Variants in SNX8 observed in about 807,000 individuals in gnomAD.
The protein encoded by SNX8 is sorting nexin 8, also known as sorting nexin-8.
Under a neutral mutation model 51.6 loss-of-function variants are expected in SNX8, and 25 were observed. The ratio of observed to expected loss-of-function variants is 0.48; its 90% CI spans 0.35 to 0.68. SNX8 has a LOEUF of 0.68. SNX8 is among the 30% of genes least tolerant of loss of function. The pLI is 0.00. For synonymous variants in SNX8, 324 were observed against 277.0 expected, an observed-to-expected ratio of 1.17 and a Z score of -1.68; for missense variants, 695 against 624.0, an observed-to-expected ratio of 1.11 and a Z score of -1.21.
intron 1 of SNX8, among the ~76,000 whole-genome samples, chr7:2,346,821 G>A (rs1303992259): frequency 5.4e-5 from 8 of 148,872 alleles, no homozygotes; most frequent in Non-Finnish European, 8.9e-5. Context: ...TCAGGAGGCT[G>A]AGTTCAGAGG....
At chr7:2,265,162 G>A (rs752480818) in intron 5 of SNX8, among the ~76,000 whole-genome samples, 19 of 152,214 alleles carry the variant, frequency 1.2e-4, no homozygotes, top group Non-Finnish European at 2.6e-4. Context: ...AGACTATGGT[G>A]AAACCCCATC....
chr7:2,267,183 C>T (rs995697309), intron 5 of SNX8, among the ~76,000 whole-genome samples: 1 of 152,202 alleles, frequency 6.6e-6, no homozygotes, highest in Non-Finnish European at 1.5e-5. Flanking sequence ...GGAAACCATG[C>T]GACAGATGTC....
At chr7:2,267,101 G>A (rs1409284063) in intron 5 of SNX8, among the ~76,000 whole-genome samples, 2 of 152,202 alleles carry the variant, frequency 1.3e-5, no homozygotes, top group South Asian at 4.1e-4. Flanking sequence ...CAGCCTCCCT[G>A]AGCCTGTTTC....
chr7:2,313,120 T>G (rs999178544), intron 1 of SNX8, among the ~76,000 whole-genome samples: 1 of 151,898 alleles, frequency 6.6e-6, no homozygotes, highest in Admixed American at 6.6e-5. Flanking sequence ...AGGATGGTCT[T>G]GATCTCCTGA....
intron 10 of SNX8, among the ~76,000 whole-genome samples, chr7:2,256,391 A>G (rs951566679): frequency 2.6e-5 from 4 of 152,232 alleles, no homozygotes; most frequent in Admixed American, 2.6e-4. Context: ...CTGTAATCCC[A>G]GCGGTGCTGC....
intron 7 of SNX8, among the ~76,000 whole-genome samples, chr7:2,259,273 C>A (rs967870584): frequency 2.0e-5 from 3 of 152,210 alleles, no homozygotes; most frequent in Non-Finnish European, 4.4e-5. Flanking sequence ...CTGGGGAAAC[C>A]CCCGACACTG....
intron 1 of SNX8, among the ~76,000 whole-genome samples, chr7:2,321,713 C>CTT (rs59105866): frequency 3.5e-4 from 31 of 88,672 alleles, no homozygotes; most frequent in East Asian, 5.8e-4. Context: ...CGCGCCCGGC[C>CTT]TTTTTTTTTT....
rs1795085830 is a variant in SNX8 at position 2,253,109 on chromosome 7, AC to A, written c.*1946del. The A allele has an allele frequency of 6.5e-6, 1 of 154,690 alleles. No homozygotes were observed. The highest frequency in any genetic ancestry group is 2.4e-5 in the African/African-American group (1 of 41,230). 9.6% of individuals were successfully genotyped at this position (154,690 alleles called of 1,614,324 possible). ...AGCCTCTGGACATGAGGACCCTGAG[AC>A]CCTGCTCTTGAAGTTTCCAACACAG... On this transcript the variant is annotated 3_prime_UTR_variant, in exon 11 of 11. Coordinates refer to ENST00000222990, the MANE Select transcript of SNX8 (RefSeq NM_013321.4).
At chr7:2,327,457 G>A (rs1344835723) in intron 1 of SNX8, among the ~76,000 whole-genome samples, 2 of 151,708 alleles carry the variant, frequency 1.3e-5, no homozygotes, top group African/African-American at 4.8e-5. Flanking sequence ...GCCCAGGCTG[G>A]AGTGCAGTGG....
At chr7:2,311,388 T>C (rs1796654941) in intron 1 of SNX8, among the ~76,000 whole-genome samples, 1 of 152,232 alleles carries the variant, frequency 6.6e-6, no homozygotes, top group South Asian at 2.1e-4. Flanking sequence ...TTTGTTTTTG[T>C]TTTCTTTTTT....
chr7:2,275,120 ATT>A lies in SNX8; in HGVS notation c.408_409del (p.Arg136SerfsTer5). On this transcript the variant is annotated frameshift_variant, in exon 3 of 11. Coordinates refer to ENST00000222990, the MANE Select transcript of SNX8 (RefSeq NM_013321.4). LOFTEE classifies it high-confidence loss of function. ...AGCACGCCTGGCTTTACCTCCCAGC[ATT>A]CTCTTGGGTGGCAGGGCAGGCACCA... 6.2e-7 allele frequency: 1 copy of A among 1,611,422 alleles called. No homozygotes were observed. Among genetic ancestry groups the A allele is most frequent in the Non-Finnish European group, 8.5e-7 (1 of 1,177,536 alleles).
Position 2,275,259 on chromosome 7 carries a change from G to A in SNX8, c.301-30C>T, listed in dbSNP as rs200970859. The A allele has an allele frequency of 1.2e-4, 182 of 1,487,192 alleles. 2 individuals carry two copies. Among genetic ancestry groups the A allele is most frequent in the South Asian group, 7.8e-4 (69 of 88,520 alleles). The allele number at this position is 1,487,192 out of a possible 1,614,324, so 92.1% of individuals were successfully genotyped here. ...AAGAGAAGGGTCGGTGCTTAGATCC[G>A]ACGTTGGAAACTATGCTGTCGCGTC... On this transcript the variant is annotated intron_variant, in intron 2 of 10. Coordinates refer to ENST00000222990, the MANE Select transcript of SNX8 (RefSeq NM_013321.4).
At chr7:2,320,907 C>A (rs1280010075) in intron 1 of SNX8, among the ~76,000 whole-genome samples, 1 of 152,076 alleles carries the variant, frequency 6.6e-6, no homozygotes, top group African/African-American at 2.4e-5. Context: ...GTAATCCCAA[C>A]TACTTGGGAG....
At chr7:2,297,292 T>G (rs1034188542) in intron 1 of SNX8, among the ~76,000 whole-genome samples, 3 of 151,830 alleles carry the variant, frequency 2.0e-5, no homozygotes, top group Non-Finnish European at 2.9e-5. Flanking sequence ...GGCTCACACC[T>G]GTAATCCCAG....
At chr7:2,292,479 T>A (rs1796171617) in intron 1 of SNX8, among the ~76,000 whole-genome samples, 1 of 151,322 alleles carries the variant, frequency 6.6e-6, no homozygotes, top group African/African-American at 2.4e-5. Context: ...TGGCGCGATC[T>A]CGGCTCACTG....
At chr7:2,282,383 G>T (rs1175729632) in intron 1 of SNX8, among the ~76,000 whole-genome samples, 1 of 152,158 alleles carries the variant, frequency 6.6e-6, no homozygotes, top group African/African-American at 2.4e-5. Flanking sequence ...GGCATGCGGT[G>T]AGGGGCAAAG....
intron 1 of SNX8, among the ~76,000 whole-genome samples, chr7:2,336,494 G>C (rs1212728350): frequency 6.6e-6 from 1 of 151,828 alleles, no homozygotes; most frequent in Non-Finnish European, 1.5e-5. Flanking sequence ...AGATCATGAG[G>C]TCAGGAGTTT....
At chr7:2,275,680 C>T (rs879907101) in intron 2 of SNX8, among the ~76,000 whole-genome samples, 2 of 149,934 alleles carry the variant, frequency 1.3e-5, no homozygotes, top group Non-Finnish European at 1.5e-5. Context: ...CTAGCCTGGA[C>T]GACAAAGCGA....
intron 1 of SNX8, among the ~76,000 whole-genome samples, chr7:2,312,717 C>T (rs1045294016): frequency 2.6e-5 from 4 of 152,042 alleles, no homozygotes; most frequent in African/African-American, 7.3e-5. Flanking sequence ...TCAGCGACAC[C>T]TTGCCAGACC....
Sources: gnomAD v4.1 joint callset for allele counts (sites outside exome capture counted in the v4.1 genomes callset) on GRCh38, gnomAD v4.1.1 for gene constraint, MANE v1.5 for transcripts, NCBI Gene and HGNC (gene_info 2026-07-23, HGNC 2026-07-21) for gene names.